The following FER variants were observed in gnomAD, a reference collection of about 807,000 sequenced individuals.
FER encodes the protein FER tyrosine kinase.
Under a neutral mutation model 111.0 loss-of-function variants are expected in FER, and 63 were observed. The ratio of observed to expected loss-of-function variants is 0.57; its 90% CI spans 0.46 to 0.70. The LOEUF is 0.70. Among genes scored for constraint, FER ranks in the 30% least tolerant of loss-of-function variants. The probability of loss-of-function intolerance (pLI) is 0.00; values close to 1 mark genes in which losing one functional copy is unlikely to be tolerated. For missense variants in FER, 914 were observed against 954.0 expected (o/e 0.96, Z 0.55); for synonymous variants, 327 against 313.9 (o/e 1.04, Z -0.44).
chr5:109,122,378 C>T (rs531067470), intron 17 of FER, among the ~76,000 whole-genome samples: 2 of 152,066 alleles, frequency 1.3e-5, no homozygotes, highest in East Asian at 3.9e-4. Context: ...TGTATAGTTT[C>T]CAAAATTCTT....
chr5:108,900,651 A>T (rs1749874069), intron 10 of FER, among the ~76,000 whole-genome samples: 1 of 152,186 alleles, frequency 6.6e-6, no homozygotes, highest in Non-Finnish European at 1.5e-5. Flanking sequence ...ATGCTCCATG[A>T]TCTTAGTTAA....
intron 13 of FER, among the ~76,000 whole-genome samples, chr5:108,986,339 A>C (rs1254646367): frequency 7.2e-6 from 1 of 138,978 alleles, no homozygotes; most frequent in Non-Finnish European, 1.6e-5. Context: ...TAGATTCTGG[A>C]TATTAGTCCT....
chr5:109,080,108 G>A (rs1581937369), intron 16 of FER, among the ~76,000 whole-genome samples: 2 of 152,000 alleles, frequency 1.3e-5, no homozygotes, highest in South Asian at 4.1e-4. Flanking sequence ...ATTATACATA[G>A]CATTTTTCTA....
intron 10 of FER, among the ~76,000 whole-genome samples, chr5:108,900,844 G>A (rs960478163): frequency 6.6e-6 from 1 of 152,086 alleles, no homozygotes; most frequent in Non-Finnish European, 1.5e-5. Flanking sequence ...TGTTTATTTT[G>A]TCTTAGTCTT....
chr5:109,061,566 T>C (rs899999485), intron 16 of FER, among the ~76,000 whole-genome samples: 2 of 152,208 alleles, frequency 1.3e-5, no homozygotes, highest in African/African-American at 4.8e-5. Flanking sequence ...GGTCAAAATA[T>C]ATAATCCTTT....
chr5:108,833,010 T>C, intron 4 of FER, 67 bp downstream of exon 4: 1 of 1,393,770 alleles, frequency 7.2e-7, no homozygotes, highest in Non-Finnish European at 9.7e-7. Context: ...TATTTTACCT[T>C]ATTTGGCTTT....
chr5:108,787,805 T>C (rs2081128), intron 2 of FER, among the ~76,000 whole-genome samples: 35,716 of 152,054 alleles, frequency 0.23, 4,425 homozygotes, highest in African/African-American at 0.3. Flanking sequence ...GGGCACACAT[T>C]GGGACAACCT....
In FER at chr5:108,867,665, G is replaced by A. The variant is rs990700491; in HGVS notation, c.482-102G>A. 37 of 1,164,776 alleles carry A rather than the reference G, an allele frequency of 3.2e-5. 1 individual carries two copies. The highest frequency in any genetic ancestry group is 2.0e-4 in the Middle Eastern group (1 of 5,062). 72.2% of individuals were successfully genotyped at this position (1,164,776 alleles called of 1,614,324 possible). ...TAAAATTTTTTTGTTTAAAAAATGC[G>A]TGAAATAACATAAAACAGTAGTAAT... On this transcript the variant is annotated intron_variant, in intron 5 of 19. Transcript: ENST00000281092.
chr5:108,862,022 A>G (rs1255546501), intron 5 of FER, among the ~76,000 whole-genome samples: 1 of 152,180 alleles, frequency 6.6e-6, no homozygotes, highest in Non-Finnish European at 1.5e-5. Flanking sequence ...ATGCCTTATA[A>G]CCAAATGTAG....
intron 15 of FER, 150 bp from the exon 16 acceptor site, chr5:109,046,954 C>A: frequency 1.9e-6 from 1 of 519,158 alleles, no homozygotes; most frequent in Non-Finnish European, 3.4e-6. Flanking sequence ...CGTTTGTATA[C>A]ATCCAATTTA....
At chr5:109,010,677 C>T (rs768621805) in intron 13 of FER, among the ~76,000 whole-genome samples, 11 of 152,148 alleles carry the variant, frequency 7.2e-5, no homozygotes, top group Non-Finnish European at 1.6e-4. Context: ...ATGGCATTAT[C>T]TGTAGTTATG....
At chr5:108,947,012 A>G (rs1002406922) in intron 11 of FER, among the ~76,000 whole-genome samples, 1 of 152,024 alleles carries the variant, frequency 6.6e-6, no homozygotes, top group Non-Finnish European at 1.5e-5. Flanking sequence ...CATGTCATAC[A>G]ATGTGACAGT....
At chr5:108,979,984 C>T (rs887882423) in intron 13 of FER, among the ~76,000 whole-genome samples, 1 of 151,986 alleles carries the variant, frequency 6.6e-6, no homozygotes, top group Non-Finnish European at 1.5e-5. Flanking sequence ...AAAAAGATAC[C>T]AGGTAATTAT....
intron 13 of FER, among the ~76,000 whole-genome samples, chr5:109,036,808 G>A (rs1350619679): frequency 6.6e-6 from 1 of 151,896 alleles, no homozygotes; most frequent in Non-Finnish European, 1.5e-5. Flanking sequence ...CAGTTCTTGA[G>A]ATCAGATAAT....
chr5:108,809,476 T>C (rs1281117281), intron 3 of FER, among the ~76,000 whole-genome samples: 1 of 152,232 alleles, frequency 6.6e-6, no homozygotes, highest in Non-Finnish European at 1.5e-5. Flanking sequence ...TGGATTGCTT[T>C]TGAAGTTTCT....
At chr5:108,873,213 C>T (rs565941324) in intron 8 of FER, among the ~76,000 whole-genome samples, 24 of 152,068 alleles carry the variant, frequency 1.6e-4, no homozygotes, top group South Asian at 6.2e-4. Flanking sequence ...GGTGCGATCT[C>T]GGCTCACTGC....
chr5:108,888,327 GTCACGTGGC>G (rs1299119572), intron 9 of FER, among the ~76,000 whole-genome samples: 1 of 151,886 alleles, frequency 6.6e-6, no homozygotes, highest in African/African-American at 2.4e-5. Context: ...GACACGTATG[GTCACGTGGC>G]TCATGAAACT....
At chr5:109,113,603 T>C (rs1054047264) in intron 17 of FER, among the ~76,000 whole-genome samples, 3 of 152,178 alleles carry the variant, frequency 2.0e-5, no homozygotes, top group African/African-American at 7.2e-5. Context: ...TTGCTTTATG[T>C]GTCCATGCAT....
chr5:109,014,441 A>G (rs1363086969), intron 13 of FER, among the ~76,000 whole-genome samples: 1 of 152,046 alleles, frequency 6.6e-6, no homozygotes, highest in African/African-American at 2.4e-5. Context: ...ATTGATCTAT[A>G]TCTCTGTTTT....
Sources: allele counts gnomAD v4.1 joint callset (sites outside exome capture counted in the v4.1 genomes callset), GRCh38; gene constraint gnomAD v4.1.1; transcripts MANE v1.5; gene names NCBI Gene and HGNC (gene_info 2026-07-23, HGNC 2026-07-21).